The following ZNF609 variants were observed in gnomAD, a reference collection of about 807,000 sequenced individuals.
The protein encoded by ZNF609 is zinc finger protein 609.
In ZNF609, 11 loss-of-function variants were observed where a neutral mutation model predicts 109.5. The ratio of observed to expected loss-of-function variants is 0.10; its 90% CI spans 0.06 to 0.17. The LOEUF (loss-of-function observed/expected upper bound fraction) is 0.17, where lower values mean the gene tolerates loss of function less well. Among genes scored for constraint, ZNF609 ranks in the 10% least tolerant of loss-of-function variants. ZNF609 has a pLI of 1.00. For synonymous variants in ZNF609, 646 were observed against 662.0 expected (o/e 0.98, Z 0.37); for missense variants, 1,559 against 1,772.4 (o/e 0.88, Z 2.16).
At chr15:64,607,243 G>A (rs1895618545) in intron 2 of ZNF609, among the ~76,000 whole-genome samples, 1 of 151,726 alleles carries the variant, frequency 6.6e-6, no homozygotes, top group Non-Finnish European at 1.5e-5. Flanking sequence ...TCATATCAAG[G>A]AATAATATCC....
intron 2 of ZNF609, among the ~76,000 whole-genome samples, chr15:64,543,618 A>G (rs1894308168): frequency 1.3e-5 from 2 of 151,344 alleles, no homozygotes; most frequent in South Asian, 2.1e-4. Flanking sequence ...TAATTTTTGT[A>G]TTGTTAGTAG....
intron 2 of ZNF609, among the ~76,000 whole-genome samples, chr15:64,543,104 A>G (rs575010163): frequency 2.5e-4 from 38 of 152,262 alleles, no homozygotes; most frequent in Non-Finnish European, 4.1e-4. Context: ...GGACGTGTAT[A>G]CCTATGTAAC....
chr15:64,488,623 A>G (rs1476825206), intron 1 of ZNF609, among the ~76,000 whole-genome samples: 1 of 152,150 alleles, frequency 6.6e-6, no homozygotes, highest in East Asian at 1.9e-4. Context: ...TTTTTTGATA[A>G]GAGAAGTTTT....
intron 3 of ZNF609, among the ~76,000 whole-genome samples, chr15:64,625,821 G>A (rs1445668402): frequency 7.6e-5 from 11 of 145,288 alleles, no homozygotes; most frequent in Non-Finnish European, 1.3e-4. Context: ...CCCAGGAGGC[G>A]GGCCTTGAAG....
intron 2 of ZNF609, among the ~76,000 whole-genome samples, chr15:64,572,046 G>C (rs1211162642): frequency 2.0e-5 from 3 of 152,178 alleles, no homozygotes; most frequent in Non-Finnish European, 2.9e-5. Flanking sequence ...CATTTAGGCT[G>C]ATACTGAAAG....
chr15:64,576,965 C>T (rs1395542271), intron 2 of ZNF609, among the ~76,000 whole-genome samples: 1 of 131,540 alleles, frequency 7.6e-6, no homozygotes, highest in Non-Finnish European at 1.6e-5. Flanking sequence ...TGTATATATA[C>T]ACATAAATAT....
chr15:64,555,340 C>T (rs1415794553), intron 2 of ZNF609, among the ~76,000 whole-genome samples: 1 of 152,146 alleles, frequency 6.6e-6, no homozygotes, highest in East Asian at 1.9e-4. Flanking sequence ...GCACTCCAGC[C>T]TTGGTGACAG....
At chr15:64,631,237 C>T in intron 3 of ZNF609, 1 of 641,968 alleles carries the variant, frequency 1.6e-6, no homozygotes, top group South Asian at 1.4e-5. Flanking sequence ...TCTTTGGCTT[C>T]TTTCTTTTTC....
chr15:64,461,700 G>A (rs553770059), intron 1 of ZNF609, among the ~76,000 whole-genome samples: 1 of 152,266 alleles, frequency 6.6e-6, no homozygotes, highest in Admixed American at 6.5e-5. Flanking sequence ...AACAAATCAC[G>A]GATGATTAAA....
Position 64,622,822 on chromosome 15 carries a change from C to G in ZNF609, c.748-5C>G. ...CTCAGCTACTACTTTTTCTTCCCTC[C>G]ACAGATGGAGTCCCCTGTTTCCACA... On this transcript the variant is annotated splice_polypyrimidine_tract_variant and splice_region_variant and intron_variant, in intron 2 of 9. Coordinates refer to ENST00000326648, the MANE Select transcript of ZNF609 (RefSeq NM_015042.2). 1 of 1,613,794 alleles carries G rather than the reference C, an allele frequency of 6.2e-7. No homozygotes were observed. Among genetic ancestry groups the G allele is most frequent in the Non-Finnish European group, 8.5e-7 (1 of 1,179,648 alleles).
intron 2 of ZNF609, among the ~76,000 whole-genome samples, chr15:64,611,296 A>C (rs1453291833): frequency 2.6e-5 from 4 of 152,166 alleles, no homozygotes; most frequent in African/African-American, 9.7e-5. Flanking sequence ...CAAAGTTAAT[A>C]AGCTTTGCTG....
chr15:64,511,028 T>G (rs1295116113), intron 2 of ZNF609, among the ~76,000 whole-genome samples: 1 of 152,040 alleles, frequency 6.6e-6, no homozygotes, highest in African/African-American at 2.4e-5. Context: ...TTAAAAAGTT[T>G]TTATAAACTG....
chr15:64,626,990 C>T (rs1006782124), intron 3 of ZNF609, among the ~76,000 whole-genome samples: 13 of 152,250 alleles, frequency 8.5e-5, no homozygotes, highest in African/African-American at 3.1e-4. Context: ...GGGAGGTACA[C>T]TTGAGGTCAG....
chr15:64,579,443 T>C (rs1341996303), intron 2 of ZNF609, among the ~76,000 whole-genome samples: 1 of 150,850 alleles, frequency 6.6e-6, no homozygotes, highest in Non-Finnish European at 1.5e-5. Context: ...CCAGACCTAC[T>C]GGCTCACACC....
At chr15:64,500,310 T>TA (rs1209589070) in intron 2 of ZNF609, 144 bp downstream of exon 2, 1 of 1,150,584 alleles carries the variant, frequency 8.7e-7, no homozygotes, top group South Asian at 1.3e-5. Context: ...CTGGTAATGA[T>TA]AATGTGGTTT....
rs928715534 is a variant in ZNF609, at chr15:64,659,938, G to A, written c.974-10408G>A. Among the ~76,000 whole-genome samples the A allele has an allele frequency of 4.0e-5, 6 of 150,966 alleles. 1 individual carries two copies. The South Asian group carries it at 1.0e-3, about 26-fold the overall frequency. On this transcript the variant is annotated intron_variant, in intron 3 of 9. Coordinates refer to ENST00000326648, the MANE Select transcript of ZNF609 (RefSeq NM_015042.2). The stretch of plus-strand genomic sequence containing the variant: ...CAACCTCTGCCTCCTGGGCTCAAGC[G>A]ATTCTCCTGCCTCAGCCTCCCGAGT...
At position 64,646,844 on chromosome 15, in the gene ZNF609, G is replaced by A. The variant is rs1896342886; in HGVS notation, c.974-23502G>A. ...AGTACCAGCTACTCGGGAGGCTGAGGCAGGAGAATCGCTTGAACCTGGGAG... is the reference window on the plus strand; with the variant it reads ...AGTACCAGCTACTCGGGAGGCTGAGACAGGAGAATCGCTTGAACCTGGGAG... On this transcript the variant is annotated intron_variant, in intron 3 of 9. Coordinates refer to ENST00000326648, the MANE Select transcript of ZNF609 (RefSeq NM_015042.2). Among the ~76,000 whole-genome samples, 3 of 149,608 alleles carry A rather than the reference G, an allele frequency of 2.0e-5. No homozygotes were observed. In the South Asian group the frequency reaches 6.3e-4, roughly 32 times the overall value.
intron 2 of ZNF609, chr15:64,528,894 C>T: frequency 1.9e-6 from 2 of 1,031,114 alleles, no homozygotes; most frequent in East Asian, 4.9e-5. Context: ...TACTTCACCA[C>T]CTTCTTGATG....
intron 4 of ZNF609, among the ~76,000 whole-genome samples, chr15:64,672,199 A>T: frequency 6.7e-6 from 1 of 149,140 alleles, no homozygotes; most frequent in Admixed American, 6.6e-5. Context: ...TTTTTAGTAG[A>T]GACGGGGTTT....
Sources: allele counts gnomAD v4.1 joint callset (sites outside exome capture counted in the v4.1 genomes callset), GRCh38; gene constraint gnomAD v4.1.1; transcripts MANE v1.5; gene names NCBI Gene and HGNC (gene_info 2026-07-23, HGNC 2026-07-21).